Variants in SLC24A2 observed in about 807,000 individuals in gnomAD.
The protein encoded by SLC24A2 is solute carrier family 24 member 2.
A neutral mutation model predicts 62.0 loss-of-function variants in SLC24A2; 36 were observed. The ratio of observed to expected loss-of-function variants is 0.58; its 90% CI spans 0.44 to 0.77. SLC24A2 has a LOEUF of 0.77. Among genes scored for constraint, SLC24A2 ranks in the 30% least tolerant of loss-of-function variants. The probability of loss-of-function intolerance (pLI) is 0.00; values close to 1 mark genes in which losing one functional copy is unlikely to be tolerated. For synonymous variants in SLC24A2, 358 were observed against 294.0 expected (o/e 1.22, Z -2.23); for missense variants, 846 against 817.9 (o/e 1.03, Z -0.42).
the SLC24A2 span, among the ~76,000 whole-genome samples, chr9:20,139,131 T>C: frequency 1.3e-5 from 2 of 152,198 alleles, no homozygotes; most frequent in Non-Finnish European, 1.5e-5. Context: ...TTTGGGTTTT[T>C]TTGCCATTTT....
chr9:19,905,045 G>C, the SLC24A2 span, among the ~76,000 whole-genome samples: 1 of 152,146 alleles, frequency 6.6e-6, no homozygotes, highest in African/African-American at 2.4e-5. Flanking sequence ...TTTTGTTGTT[G>C]TTGTAAAGGA....
chr9:20,066,104 T>C, the SLC24A2 span, among the ~76,000 whole-genome samples: 1 of 152,144 alleles, frequency 6.6e-6, no homozygotes, highest in African/African-American at 2.4e-5. Context: ...AGTAAATGAC[T>C]GGGAATAAAA....
chr9:19,785,687 T>G (rs1462197678), intron 2 of SLC24A2, among the ~76,000 whole-genome samples: 2 of 152,238 alleles, frequency 1.3e-5, no homozygotes, highest in Non-Finnish European at 2.9e-5. Context: ...GGGAGGCTTA[T>G]GTAACCTATA....
At position 19,626,780 on chromosome 9, in the gene SLC24A2, C is replaced by A. The variant is rs182111612; in HGVS notation, c.931-4481G>T. On this transcript the variant is annotated intron_variant, in intron 2 of 10. Transcript: ENST00000341998. The stretch of plus-strand genomic sequence containing the variant: ...AACATGAAAGTGTAAAATGATGTTT[C>A]CTTTTTCTTTCAATACACTACTGTA... 2.6e-5 allele frequency among the ~76,000 whole-genome samples: 4 copies of A among 152,220 alleles called. No homozygotes were observed. The East Asian group carries it at 7.7e-4, about 29-fold the overall frequency.
chr9:19,772,058 G>C (rs2118896365), intron 2 of SLC24A2, among the ~76,000 whole-genome samples: 1 of 152,270 alleles, frequency 6.6e-6, no homozygotes, highest in Admixed American at 6.5e-5. Flanking sequence ...TAGGGCTTCT[G>C]GGCAAGAAGT....
At chr9:19,847,061 A>T in the SLC24A2 span, among the ~76,000 whole-genome samples, 2 of 152,126 alleles carry the variant, frequency 1.3e-5, no homozygotes, top group African/African-American at 4.8e-5. Context: ...CTGTTCATAT[A>T]ATTTTTAGGT....
the SLC24A2 span, among the ~76,000 whole-genome samples, chr9:19,794,730 C>A: frequency 1.3e-5 from 2 of 152,056 alleles, no homozygotes; most frequent in Non-Finnish European, 2.9e-5. Flanking sequence ...GAGAGTCCCC[C>A]AGGGTGCTTC....
chr9:19,833,347 C>A, the SLC24A2 span, among the ~76,000 whole-genome samples: 21 of 152,130 alleles, frequency 1.4e-4, no homozygotes, highest in Admixed American at 5.2e-4. Flanking sequence ...GGGTGACAGA[C>A]GGCACTTGGA....
chr9:19,976,468 C>T, the SLC24A2 span, among the ~76,000 whole-genome samples: 2 of 152,198 alleles, frequency 1.3e-5, no homozygotes, highest in African/African-American at 2.4e-5. Context: ...TATGGTAGGA[C>T]ATGCTTACTT....
At chr9:20,291,191 G>C in the SLC24A2 span, among the ~76,000 whole-genome samples, 2 of 150,678 alleles carry the variant, frequency 1.3e-5, no homozygotes, top group Non-Finnish European at 2.9e-5. Context: ...AGCAAGCAAG[G>C]CTAGCAATAT....
At chr9:20,196,329 C>T in the SLC24A2 span, among the ~76,000 whole-genome samples, 1 of 152,142 alleles carries the variant, frequency 6.6e-6, no homozygotes, top group Non-Finnish European at 1.5e-5. Context: ...TGAAATGCCC[C>T]GCAGCCCCCA....
the SLC24A2 span, among the ~76,000 whole-genome samples, chr9:20,191,255 T>C: frequency 6.6e-6 from 1 of 152,126 alleles, no homozygotes; most frequent in African/African-American, 2.4e-5. Flanking sequence ...TAAAATATCA[T>C]TGATGATCTC....
the SLC24A2 span, among the ~76,000 whole-genome samples, chr9:20,212,207 A>G: frequency 6.6e-6 from 1 of 151,994 alleles, no homozygotes; most frequent in Non-Finnish European, 1.5e-5. Context: ...TCAAGACAAT[A>G]GGCACAAGAC....
At chr9:19,880,287 G>A in the SLC24A2 span, among the ~76,000 whole-genome samples, 2 of 152,156 alleles carry the variant, frequency 1.3e-5, no homozygotes, top group Non-Finnish European at 2.9e-5. Context: ...GAAGTAACTC[G>A]GGACTGGTTG....
chr9:20,065,450 G>C, the SLC24A2 span, among the ~76,000 whole-genome samples: 1 of 152,198 alleles, frequency 6.6e-6, no homozygotes, highest in Non-Finnish European at 1.5e-5. Flanking sequence ...GGACTGGACA[G>C]AGGAATGGAG....
At chr9:19,858,724 C>T in the SLC24A2 span, among the ~76,000 whole-genome samples, 2 of 152,090 alleles carry the variant, frequency 1.3e-5, no homozygotes, top group African/African-American at 4.8e-5. Context: ...AGAAGACATA[C>T]ATGTGGCCAG....
the SLC24A2 span, among the ~76,000 whole-genome samples, chr9:19,998,885 G>A: frequency 6.6e-6 from 1 of 152,170 alleles, no homozygotes; most frequent in South Asian, 2.1e-4. Context: ...CCCTGATGAT[G>A]GGGGACCTCA....
chr9:20,001,171 T>C, the SLC24A2 span, among the ~76,000 whole-genome samples: 1 of 152,208 alleles, frequency 6.6e-6, no homozygotes, highest in Non-Finnish European at 1.5e-5. Context: ...AGAGCCTGCA[T>C]TGTCCCTGCT....
At chr9:20,067,807 T>G in the SLC24A2 span, among the ~76,000 whole-genome samples, 1 of 152,140 alleles carries the variant, frequency 6.6e-6, no homozygotes, top group African/African-American at 2.4e-5. Flanking sequence ...CTAGGTTGAT[T>G]CCATGTCTTT....
Sources: allele counts gnomAD v4.1 joint callset (sites outside exome capture counted in the v4.1 genomes callset), GRCh38; gene constraint gnomAD v4.1.1; transcripts MANE v1.5; gene names NCBI Gene and HGNC (gene_info 2026-07-23, HGNC 2026-07-21).